The following CYP26A1 variants were observed in gnomAD, a reference collection of about 807,000 sequenced individuals.
CYP26A1 encodes the protein cytochrome P450 family 26 subfamily A member 1.
CYP26A1 carries 46 observed loss-of-function variants against 47.4 expected under a neutral mutation model. The ratio of observed to expected loss-of-function variants is 0.97; its 90% CI spans 0.77 to 1.24. The LOEUF (loss-of-function observed/expected upper bound fraction) is 1.24, where lower values mean the gene tolerates loss of function less well. Among genes scored for constraint, CYP26A1 ranks in the 50% most tolerant of loss-of-function variants. The pLI, the probability that CYP26A1 is intolerant of heterozygous loss-of-function variation, is 0.00. For missense variants in CYP26A1, 680 were observed against 644.4 expected (o/e 1.06, Z -0.60); for synonymous variants, 277 against 263.7 (o/e 1.05, Z -0.49).
chr10:93,075,981 G>A (rs1030619383), intron 5 of CYP26A1, 21 bp downstream of exon 5: 1 of 1,604,338 alleles, frequency 6.2e-7, no homozygotes, highest in Non-Finnish European at 8.5e-7. Flanking sequence ...TGGGTCTGGG[G>A]GTGTCCTTAT....
rs771694510 is a variant in CYP26A1, at chr10:93,074,771, G to A, written c.415-8G>A. 1 of 1,597,966 alleles carries A rather than the reference G, an allele frequency of 6.3e-7. No homozygotes were observed. Among genetic ancestry groups the A allele is most frequent in the East Asian group, 2.2e-5 (1 of 44,812 alleles). ...GGCTTTTAACGCTGTCCCCTCCTCG[G>A]GACTCAGGTGATTATGCGGGCCTTC... is the stretch of plus-strand genomic sequence containing the variant. On this transcript the variant is annotated splice_region_variant and splice_polypyrimidine_tract_variant and intron_variant, in intron 2 of 6. Transcript: ENST00000224356. This position sits in a 1 kb window ranked among gnomAD's most constrained non-coding sequence, Gnocchi z 5.3.
intron 4 of CYP26A1, 82 bp from the exon 5 acceptor site, chr10:93,075,744 G>C (rs748370726): frequency 4.0e-5 from 43 of 1,074,698 alleles, no homozygotes; most frequent in Non-Finnish European, 6.2e-5. Context: ...CTTCCCTCCA[G>C]AACTCTCAGT....
At position 93,074,863 on chromosome 10, in the gene CYP26A1, T is replaced by C; in HGVS notation, c.499T>C (p.Trp167Arg). The change falls in exon 3 of 7, where the codon TGG (tryptophan) becomes CGG (arginine). Residue 167 changes from tryptophan (W) to arginine (R), a missense_variant. Coordinates refer to ENST00000224356, the MANE Select transcript of CYP26A1 (RefSeq NM_000783.4). This position sits in a 1 kb window ranked among gnomAD's most constrained non-coding sequence, Gnocchi z 5.3. ...GGAAGTGGGCAGCAGCCTGGAGCAG[T>C]GGCTGAGCTGCGGCGAGCGCGGCCT... The part of the protein sequence containing the change: ...TEEVGSSLEQ[W>R]LSCGERGLLV... 6.2e-7 allele frequency: 1 copy of C among 1,612,620 alleles called. No individual in the cohort carries two copies. Among genetic ancestry groups the C allele is most frequent in the Non-Finnish European group, 8.5e-7 (1 of 1,179,838 alleles).
Position 93,074,711 on chromosome 10 carries a change from G to C in CYP26A1, c.415-68G>C, listed in dbSNP as rs1846946305. ...TGTCTGGCAGGACTGGGGGTGTCTGGAAGGGGACGGCGGTAGACGAGAGGG... is the reference window on the plus strand; with the variant it reads ...TGTCTGGCAGGACTGGGGGTGTCTGCAAGGGGACGGCGGTAGACGAGAGGG... On this transcript the variant is annotated intron_variant, in intron 2 of 6. Transcript: ENST00000224356. The surrounding 1 kb of genome is among the most constrained non-coding windows in gnomAD (Gnocchi z 5.3). 1.5e-6 allele frequency: 2 copies of C among 1,378,634 alleles called. No homozygotes were observed. Among genetic ancestry groups the C allele is most frequent in the Non-Finnish European group, 2.0e-6 (2 of 997,884 alleles). 85.4% of individuals were successfully genotyped at this position (1,378,634 alleles called of 1,614,324 possible).
At chr10:93,075,683 A>G in intron 4 of CYP26A1, 143 bp from the exon 5 acceptor site, 1 of 648,926 alleles carries the variant, frequency 1.5e-6, no homozygotes, top group Non-Finnish European at 2.7e-6. Context: ...TTTTGTTTAA[A>G]GATATTGCTT....
chr10:93,074,561 G>C lies in CYP26A1; in HGVS notation c.414+29G>C. On this transcript the variant is annotated intron_variant, in intron 2 of 6. Coordinates refer to ENST00000224356, the MANE Select transcript of CYP26A1 (RefSeq NM_000783.4). The surrounding 1 kb of genome is among the most constrained non-coding windows in gnomAD (Gnocchi z 5.3). ...GGGGCAGGAGGCGACGGCTGGACAG[G>C]GAGGGGGACCCCATTTATGAGCGGA... 7.1e-7 allele frequency: 1 copy of C among 1,401,306 alleles called. No homozygotes were observed. The highest frequency in any genetic ancestry group is 1.2e-5 in the South Asian group (1 of 86,940). 86.8% of individuals were successfully genotyped at this position (1,401,306 alleles called of 1,614,324 possible).
rs1846956724 is a variant in CYP26A1, at chr10:93,075,025, C to G, written c.661C>G (p.Leu221Val). 13 of 1,613,096 alleles carry G rather than the reference C, an allele frequency of 8.1e-6. No homozygotes were observed. Among genetic ancestry groups the G allele is most frequent in the Non-Finnish European group, 1.1e-5 (13 of 1,180,008 alleles). The change falls in exon 3 of 7, where the codon CTC becomes GTC. Residue 221 changes from leucine to valine, a missense_variant. Coordinates refer to ENST00000224356, the MANE Select transcript of CYP26A1 (RefSeq NM_000783.4). ...GGCCTTCGAGGAAATGACCCGCAATCTCTTCTCGCTGCCCATCGACGTGCC... is the reference window on the plus strand; with the variant it reads ...GGCCTTCGAGGAAATGACCCGCAATGTCTTCTCGCTGCCCATCGACGTGCC... ...VEAFEEMTRN[L>V]FSLPIDVPFS...
At position 93,074,244 on chromosome 10, in the gene CYP26A1, C is replaced by A. The variant is rs1161385104; in HGVS notation, c.190-64C>A. 6 of 1,508,546 alleles carry A rather than the reference C, an allele frequency of 4.0e-6. No homozygotes were observed. The highest frequency in any genetic ancestry group is 1.4e-5 in the African/African-American group (1 of 72,546). The allele number at this position is 1,508,546 out of a possible 1,614,324, so 93.4% of individuals were successfully genotyped here. A position where few individuals can be genotyped will look rare whatever the true frequency, so the allele number is the denominator to read the frequency against. On this transcript the variant is annotated intron_variant, in intron 1 of 6. Coordinates refer to ENST00000224356, the MANE Select transcript of CYP26A1 (RefSeq NM_000783.4). The surrounding 1 kb of genome is among the most constrained non-coding windows in gnomAD (Gnocchi z 5.3). The stretch of plus-strand genomic sequence containing the variant: ...CTATTGCGGCTAGGAGCAGGGCTGG[C>A]GGGAGCGCGGCGCTCCCCGGCGCCC...
At chr10:93,075,750 T>G in intron 4 of CYP26A1, 76 bp from the exon 5 acceptor site, 2 of 1,134,300 alleles carry the variant, frequency 1.8e-6, no homozygotes, top group South Asian at 2.5e-5. Context: ...TCCAGAACTC[T>G]CAGTTCGATT....
Position 93,077,244 on chromosome 10 carries a change from C to T in CYP26A1, c.1434C>T (p.Pro478=). 5 of 1,597,458 alleles carry T rather than the reference C, an allele frequency of 3.1e-6. No homozygotes were observed. The highest frequency in any genetic ancestry group is 4.3e-6 in the Non-Finnish European group (5 of 1,169,242). ...GACCTCCTACAATGAAAACCAGTCC[C>T]ACCGTGTATCCTGTGGACAATCTCC... ...LNGPPTMKTS[P]TVYPVDNLPA... Residue 478 remains proline, a synonymous_variant, in exon 7 of 7, where the codon CCC becomes CCT. Transcript: ENST00000224356.
chr10:93,075,528 G>T (rs1467090104), intron 4 of CYP26A1: 5 of 598,898 alleles, frequency 8.3e-6, no homozygotes, highest in Non-Finnish European at 1.5e-5. Flanking sequence ...AGCCTTTCCA[G>T]GTTTCAAAGG....
At chr10:93,076,016 C>T (rs1846973945) in intron 5 of CYP26A1, 56 bp downstream of exon 5, 1 of 1,417,906 alleles carries the variant, frequency 7.1e-7, no homozygotes, top group Non-Finnish European at 9.9e-7. Context: ...CAGCTGCTCC[C>T]TAGCCAACTT....
intron 4 of CYP26A1, 74 bp from the exon 5 acceptor site, chr10:93,075,752 A>T: frequency 8.7e-7 from 1 of 1,151,686 alleles, no homozygotes; most frequent in Non-Finnish European, 1.3e-6. Flanking sequence ...CAGAACTCTC[A>T]GTTCGATTCT....
At position 93,074,575 on chromosome 10, in the gene CYP26A1, T is replaced by C. The variant is rs764513123; in HGVS notation, c.414+43T>C. 8 of 1,308,114 alleles carry C rather than the reference T, an allele frequency of 6.1e-6. No individual in the cohort carries two copies. The South Asian group carries it at 9.4e-5, about 15-fold the overall frequency. The allele number at this position is 1,308,114 out of a possible 1,614,324, so 81.0% of individuals were successfully genotyped here. On this transcript the variant is annotated intron_variant, in intron 2 of 6. Coordinates refer to ENST00000224356, the MANE Select transcript of CYP26A1 (RefSeq NM_000783.4). The surrounding 1 kb of genome is among the most constrained non-coding windows in gnomAD (Gnocchi z 5.3). ...CGGCTGGACAGGGAGGGGGACCCCA[T>C]TTATGAGCGGAATTCCGGCTGATGG...
At position 93,077,041 on chromosome 10, in the gene CYP26A1, A is replaced by G; in HGVS notation, c.1231A>G (p.Lys411Glu). 1 of 1,613,884 alleles carries G rather than the reference A, an allele frequency of 6.2e-7. No individual in the cohort carries two copies. The highest frequency in any genetic ancestry group is 8.5e-7 in the Non-Finnish European group (1 of 1,179,702). ...TGATGTGGCAGAGATCTTCACCAAC[A>G]AGGAAGAATTTAATCCTGACCGATT... ...THDVAEIFTNKEEFNPDRFML... is the reference protein window; with the variant it reads ...THDVAEIFTNEEEFNPDRFML... Residue 411 changes from lysine to glutamate, a missense_variant, in exon 7 of 7, where the codon AAG (lysine) becomes GAG (glutamate). By Grantham distance (56) the Lys-to-Glu change is moderately conservative. Coordinates refer to ENST00000224356, the MANE Select transcript of CYP26A1 (RefSeq NM_000783.4).
chr10:93,074,702 G>C lies in CYP26A1; in HGVS notation c.415-77G>C. The C allele has an allele frequency of 7.8e-7, 1 of 1,289,148 alleles. No individual in the cohort carries two copies. The highest frequency in any genetic ancestry group is 1.1e-6 in the Non-Finnish European group (1 of 917,076). The allele number at this position is 1,289,148 out of a possible 1,614,324, so 79.9% of individuals were successfully genotyped here. A position where few individuals can be genotyped will look rare whatever the true frequency, so the allele number is the denominator to read the frequency against. On this transcript the variant is annotated intron_variant, in intron 2 of 6. Transcript: ENST00000224356. This position sits in a 1 kb window ranked among gnomAD's most constrained non-coding sequence, Gnocchi z 5.3. ...AGTGCCATGTGTCTGGCAGGACTGG[G>C]GGTGTCTGGAAGGGGACGGCGGTAG...
At position 93,074,813 on chromosome 10, in the gene CYP26A1, A is replaced by G; in HGVS notation, c.449A>G (p.Glu150Gly). ...IMRAFSREAL[E>G]CYVPVITEEV... Reference sequence around the variant, plus strand: ...CGGGCCTTCAGCCGCGAGGCACTCGAATGCTACGTGCCGGTGATCACCGAG... The same window carrying G: ...CGGGCCTTCAGCCGCGAGGCACTCGGATGCTACGTGCCGGTGATCACCGAG... The change falls in exon 3 of 7, where the codon GAA (glutamate) becomes GGA (glycine). Residue 150 changes from glutamate (E) to glycine (G), a missense_variant. Coordinates refer to ENST00000224356, the MANE Select transcript of CYP26A1 (RefSeq NM_000783.4). The surrounding 1 kb of genome is among the most constrained non-coding windows in gnomAD (Gnocchi z 5.3). The G allele has an allele frequency of 6.2e-7, 1 of 1,609,222 alleles. No individual in the cohort carries two copies.
rs892606997 is a variant in CYP26A1, at chr10:93,075,785, C to G, written c.865-41C>G. 8 of 1,554,342 alleles carry G rather than the reference C, an allele frequency of 5.1e-6. No homozygotes were observed. The Admixed American group carries it at 6.7e-5, about 13-fold the overall frequency. On this transcript the variant is annotated intron_variant, in intron 4 of 6. Transcript: ENST00000224356. ...TCTGAGTAATCCTTCTGTCAAACCG[C>G]AGGCAGACTTGTGAGAATGTGGGTC...
upstream of CYP26A1, chr10:93,073,799 A>G (rs1846928114): frequency 1.7e-5 from 10 of 573,436 alleles, no homozygotes; most frequent in Non-Finnish European, 3.1e-5. Flanking sequence ...TCCGCAATTA[A>G]AGATGAACTT....
Sources: allele counts gnomAD v4.1 joint callset, GRCh38; gene constraint gnomAD v4.1.1; non-coding constraint Gnocchi (gnomAD v3.1); transcripts MANE v1.5; gene names NCBI Gene and HGNC (gene_info 2026-07-23, HGNC 2026-07-21).